CCDC158: variants seen among roughly 807,000 people sequenced by gnomAD.
CCDC158 encodes coiled-coil domain-containing protein 158.
In CCDC158, 116 loss-of-function variants were observed where a neutral mutation model predicts 138.6. The ratio of observed to expected loss-of-function variants is 0.84; its 90% CI spans 0.72 to 0.98. CCDC158 has a LOEUF of 0.98. Ranked by LOEUF, CCDC158 falls within the 50% of genes least tolerant of loss-of-function variation. The pLI is 0.00. For missense variants in CCDC158, 1,265 were observed against 1,306.1 expected (o/e 0.97, Z 0.48); for synonymous variants, 436 against 442.4 (o/e 0.99, Z 0.18).
intron 21 of CCDC158, among the ~76,000 whole-genome samples, chr4:76,329,757 T>G (rs1720859281): frequency 6.6e-6 from 1 of 152,190 alleles, no homozygotes; most frequent in Admixed American, 6.5e-5. Flanking sequence ...AGGAGGTTTG[T>G]GAGGTCAAAA....
At chr4:76,407,488 ACT>A (rs1490147462) in intron 2 of CCDC158, among the ~76,000 whole-genome samples, 2 of 152,120 alleles carry the variant, frequency 1.3e-5, no homozygotes, top group Non-Finnish European at 2.9e-5. Flanking sequence ...ATAAAAAACG[ACT>A]CTATGCTGTG....
chr4:76,331,552 T>C (rs753423062), intron 20 of CCDC158, 149 bp from the exon 21 acceptor site: 1 of 650,394 alleles, frequency 1.5e-6, no homozygotes, highest in Non-Finnish European at 2.7e-6. Flanking sequence ...AAACATTAAC[T>C]TAATGATAAA....
intron 22 of CCDC158, among the ~76,000 whole-genome samples, chr4:76,327,824 T>G (rs1345356028): frequency 6.6e-6 from 1 of 152,202 alleles, no homozygotes; most frequent in Non-Finnish European, 1.5e-5. Flanking sequence ...TATAACTACA[T>G]TTTTGTTGAA....
intron 18 of CCDC158, among the ~76,000 whole-genome samples, chr4:76,335,194 T>G (rs1721366623): frequency 6.6e-6 from 1 of 152,230 alleles, no homozygotes; most frequent in South Asian, 2.1e-4. Flanking sequence ...TGTGAATCAC[T>G]TTGTCAATTG....
At chr4:76,390,765 C>G (rs1336807142) in intron 4 of CCDC158, among the ~76,000 whole-genome samples, 1 of 151,586 alleles carries the variant, frequency 6.6e-6, no homozygotes, top group Non-Finnish European at 1.5e-5. Context: ...ACACACATAG[C>G]CTGAAAATAA....
intron 9 of CCDC158, among the ~76,000 whole-genome samples, chr4:76,377,350 CA>C (rs1214199814): frequency 6.6e-6 from 1 of 152,138 alleles, no homozygotes; most frequent in African/African-American, 2.4e-5. Flanking sequence ...TTAATCTTTC[CA>C]AAATGATTTG....
chr4:76,352,776 G>A (rs1187729660), intron 16 of CCDC158: 1 of 180,662 alleles, frequency 5.5e-6, no homozygotes, highest in Non-Finnish European at 1.1e-5. Context: ...ATTCTACCAA[G>A]TACCCAAGTC....
Position 76,351,160 on chromosome 4 carries a change from C to T in CCDC158, c.2539-39G>A, listed in dbSNP as rs1277052351. The T allele has an allele frequency of 1.9e-6, 3 of 1,550,472 alleles. No individual in the cohort carries two copies. In the South Asian group the frequency reaches 3.7e-5, roughly 19 times the overall value. ...TAGAGGTAAGCAAAATAACTGCCAGCCTACAATTATAAAGAAATGTGAAAT... is the reference window on the plus strand; with the variant it reads ...TAGAGGTAAGCAAAATAACTGCCAGTCTACAATTATAAAGAAATGTGAAAT... On this transcript the variant is annotated intron_variant, in intron 17 of 24. Transcript: ENST00000682701.
chr4:76,335,114 G>T (rs550859647), intron 18 of CCDC158, among the ~76,000 whole-genome samples: 1 of 152,234 alleles, frequency 6.6e-6, no homozygotes, highest in South Asian at 2.1e-4. Flanking sequence ...TGATGAGTCA[G>T]TCTAAAGTTT....
intron 14 of CCDC158, 107 bp from the exon 15 acceptor site, chr4:76,355,543 GGT>G (rs1228663953): frequency 1.4e-5 from 11 of 773,976 alleles, no homozygotes; most frequent in Middle Eastern, 2.3e-4. Context: ...GATCCTCCAA[GGT>G]ATCTGGGCAG....
chr4:76,322,460 C>T (rs1180751649), intron 24 of CCDC158, among the ~76,000 whole-genome samples: 2 of 152,108 alleles, frequency 1.3e-5, no homozygotes, highest in Non-Finnish European at 2.9e-5. Flanking sequence ...ATGAAGAAAA[C>T]GCAAGTGAAG....
chr4:76,330,789 A>G (rs534013624), intron 21 of CCDC158, among the ~76,000 whole-genome samples: 2 of 152,304 alleles, frequency 1.3e-5, no homozygotes, highest in Non-Finnish European at 2.9e-5. Context: ...GCCATTTTAT[A>G]TAAGGGACTT....
At chr4:76,322,860 G>A (rs985161412) in intron 24 of CCDC158, among the ~76,000 whole-genome samples, 1 of 152,298 alleles carries the variant, frequency 6.6e-6, no homozygotes, top group East Asian at 1.9e-4. Flanking sequence ...GGGTGGCATA[G>A]TGTCTTATAG....
At chr4:76,351,333 C>T (rs1723020880) in intron 17 of CCDC158, among the ~76,000 whole-genome samples, 1 of 151,982 alleles carries the variant, frequency 6.6e-6, no homozygotes, top group African/African-American at 2.4e-5. Context: ...ATGTAGATTA[C>T]ATCACTTTTG....
rs1236340092 is a variant in CCDC158 at position 76,331,405 on chromosome 4, T to C, written c.2883-2A>G. ...GAGTCCCTCAACGAGTTGTTGCTTC[T>C]GTTGGTAGAGGGATGGGAGAAATCA... On this transcript the variant is annotated splice_acceptor_variant, in intron 20 of 24. Coordinates refer to ENST00000682701, the MANE Select transcript of CCDC158 (RefSeq NM_001394954.1). LOFTEE classifies it high-confidence loss of function. 1.2e-6 allele frequency: 2 copies of C among 1,613,500 alleles called. No homozygotes were observed. Among genetic ancestry groups the C allele is most frequent in the East Asian group, 2.2e-5 (1 of 44,886 alleles).
At chr4:76,419,843 C>G (rs982375357) in intron 1 of CCDC158, among the ~76,000 whole-genome samples, 14 of 150,500 alleles carry the variant, frequency 9.3e-5, no homozygotes, top group Admixed American at 6.7e-4. Context: ...GGCCACTGCT[C>G]AGCCTACCAT....
chr4:76,371,304 T>A lies in CCDC158; in HGVS notation c.1149+113A>T, dbSNP rs1460791372. 15 of 999,870 alleles carry A rather than the reference T, an allele frequency of 1.5e-5. No homozygotes were observed. The South Asian group carries it at 1.9e-4, about 13-fold the overall frequency. 61.9% of individuals were successfully genotyped at this position (999,870 alleles called of 1,614,324 possible). A position where few individuals can be genotyped will look rare whatever the true frequency, so the allele number is the denominator to read the frequency against. The stretch of plus-strand genomic sequence containing the variant: ...TGTCTAAAATAATCTATTGCATGTA[T>A]GCACAAATATTTTGTAAATTTGTAA... On this transcript the variant is annotated intron_variant, in intron 10 of 24. Transcript: ENST00000682701.
chr4:76,386,921 G>A (rs1348909003), intron 4 of CCDC158, among the ~76,000 whole-genome samples: 1 of 152,194 alleles, frequency 6.6e-6, no homozygotes, highest in East Asian at 1.9e-4. Flanking sequence ...GTCAGAACTC[G>A]AGTTTCTCAG....
At chr4:76,384,772 C>G in intron 4 of CCDC158, 107 bp from the exon 5 acceptor site, 1 of 729,310 alleles carries the variant, frequency 1.4e-6, no homozygotes, top group East Asian at 2.7e-5. Context: ...TTTATGTCTA[C>G]TTCCTTCCCT....
Sources: gnomAD v4.1 joint callset for allele counts (sites outside exome capture counted in the v4.1 genomes callset) on GRCh38, gnomAD v4.1.1 for gene constraint, MANE v1.5 for transcripts, NCBI Gene and HGNC (gene_info 2026-07-23, HGNC 2026-07-21) for gene names.